The following RORA variants were observed in gnomAD, a reference collection of about 807,000 sequenced individuals.
The protein encoded by RORA is nuclear receptor ROR-alpha.
A neutral mutation model predicts 69.5 loss-of-function variants in RORA; 7 were observed. The observed-to-expected ratio is 0.10, with a 90% CI of 0.06 to 0.19. The LOEUF (loss-of-function observed/expected upper bound fraction) is 0.19, where lower values mean the gene tolerates loss of function less well. Among genes scored for constraint, RORA ranks in the 10% least tolerant of loss-of-function variants. RORA has a pLI of 1.00. For synonymous variants in RORA, 261 were observed against 240.8 expected (o/e 1.08, Z -0.78); for missense variants, 457 against 663.0 (o/e 0.69, Z 3.41).
intron 1 of RORA, among the ~76,000 whole-genome samples, chr15:60,898,605 G>A (rs537937428): frequency 2.6e-5 from 4 of 152,032 alleles, no homozygotes; most frequent in South Asian, 4.2e-4. Context: ...AGGCTGAGGC[G>A]GGAAGATCAC....
chr15:60,654,351 T>G (rs767484242), intron 2 of RORA, among the ~76,000 whole-genome samples: 1 of 152,208 alleles, frequency 6.6e-6, no homozygotes, highest in Non-Finnish European at 1.5e-5. Context: ...CATATTTCAC[T>G]TTACACATTT....
intron 1 of RORA, among the ~76,000 whole-genome samples, chr15:60,688,644 T>G (rs561107953): frequency 1.4e-4 from 21 of 152,222 alleles, no homozygotes; most frequent in Non-Finnish European, 2.6e-4. Context: ...CTTTCAGGAG[T>G]GCCCTATGGT....
At chr15:60,753,049 A>G (rs2071749807) in intron 1 of RORA, among the ~76,000 whole-genome samples, 1 of 152,238 alleles carries the variant, frequency 6.6e-6, no homozygotes, top group African/African-American at 2.4e-5. Flanking sequence ...CCAGAAAAAT[A>G]AAGCAGAGGC....
chr15:61,202,623 T>G (rs1432975328), intron 1 of RORA, among the ~76,000 whole-genome samples: 5 of 152,156 alleles, frequency 3.3e-5, no homozygotes, highest in Non-Finnish European at 7.4e-5. Context: ...CAGCCTCGCT[T>G]GGCCAGAAGC....
At chr15:60,525,717 T>C (rs1236959788) in intron 3 of RORA, among the ~76,000 whole-genome samples, 1 of 152,158 alleles carries the variant, frequency 6.6e-6, no homozygotes, top group Non-Finnish European at 1.5e-5. Context: ...GGGGGACTGC[T>C]GAAGTGGGTG....
chr15:60,865,394 A>G (rs561736470), intron 1 of RORA, among the ~76,000 whole-genome samples: 1 of 152,302 alleles, frequency 6.6e-6, no homozygotes, highest in African/African-American at 2.4e-5. Context: ...GCTTATTAAT[A>G]TTAACTGGGG....
chr15:61,158,542 T>A (rs1388927916), intron 1 of RORA, among the ~76,000 whole-genome samples: 1 of 152,192 alleles, frequency 6.6e-6, no homozygotes, highest in Non-Finnish European at 1.5e-5. Flanking sequence ...TTTGCCTTTA[T>A]TGAATAAACA....
Position 60,565,741 on chromosome 15 carries a change from CCT to C in RORA, c.197-33892_197-33891del, listed in dbSNP as rs769437935. The stretch of plus-strand genomic sequence containing the variant: ...GGTACAAACATATATAGATACCACC[CCT>C]GTTTTTTCTTTAAATTAGCTAATTA... On this transcript the variant is annotated intron_variant, in intron 2 of 10. Transcript: ENST00000335670. 3.3e-5 allele frequency among the ~76,000 whole-genome samples: 5 copies of C among 152,198 alleles called. No individual in the cohort carries two copies. In the East Asian group the frequency reaches 5.8e-4, roughly 18 times the overall value.
intron 1 of RORA, among the ~76,000 whole-genome samples, chr15:60,815,599 C>A (rs78154687): frequency 6.6e-6 from 1 of 151,938 alleles, no homozygotes; most frequent in African/African-American, 2.4e-5. Context: ...CAGCTTCCCC[C>A]ACTGCAGCCA....
chr15:61,194,776 A>T (rs927084466), intron 1 of RORA, among the ~76,000 whole-genome samples: 1 of 152,188 alleles, frequency 6.6e-6, no homozygotes. Flanking sequence ...TCTAAAACAC[A>T]GGTAGAGCCA....
In RORA at chr15:60,546,921, C is replaced by T. The variant is rs141259213; in HGVS notation, c.197-15070G>A. Among the ~76,000 whole-genome samples, 31 of 152,268 alleles carry T rather than the reference C, an allele frequency of 2.0e-4. No homozygotes were observed. In the East Asian group the frequency reaches 5.0e-3, roughly 25 times the overall value. On this transcript the variant is annotated intron_variant, in intron 2 of 10. Transcript: ENST00000335670. The stretch of plus-strand genomic sequence containing the variant: ...TGAGCAGGATTTTCCCTCGTGTTGT[C>T]CCTCCCTTCAGCTTCCCACACTCAC...
chr15:60,692,311 C>A (rs917609772), intron 1 of RORA, among the ~76,000 whole-genome samples: 1 of 152,134 alleles, frequency 6.6e-6, no homozygotes, highest in Non-Finnish European at 1.5e-5. Context: ...ATTACTTAAT[C>A]TGTGAATTTT....
intron 2 of RORA, among the ~76,000 whole-genome samples, chr15:60,532,432 C>CTTGT (rs2066553469): frequency 6.6e-6 from 1 of 152,100 alleles, no homozygotes; most frequent in South Asian, 2.1e-4. Context: ...GAGTTAATAT[C>CTTGT]TTGTTTGAAT....
intron 1 of RORA, among the ~76,000 whole-genome samples, chr15:60,942,471 T>A (rs1892730959): frequency 6.6e-6 from 1 of 152,222 alleles, no homozygotes; most frequent in South Asian, 2.1e-4. Flanking sequence ...TGTTCGGCAA[T>A]TATTTGCCCA....
At chr15:60,632,343 G>A (rs2069757436) in intron 2 of RORA, among the ~76,000 whole-genome samples, 1 of 151,998 alleles carries the variant, frequency 6.6e-6, no homozygotes, top group Non-Finnish European at 1.5e-5. Context: ...TCCTGACCTC[G>A]TGATCTGCCC....
At chr15:60,982,994 G>C (rs915463158) in intron 1 of RORA, among the ~76,000 whole-genome samples, 38 of 152,128 alleles carry the variant, frequency 2.5e-4, no homozygotes, top group African/African-American at 9.2e-4. Flanking sequence ...TACCTTTATA[G>C]ACCTTGAAGA....
chr15:60,638,247 C>CGTAA (rs1318184380), intron 2 of RORA, among the ~76,000 whole-genome samples: 3 of 152,112 alleles, frequency 2.0e-5, no homozygotes, highest in Admixed American at 6.5e-5. Flanking sequence ...GCCTGAATTA[C>CGTAA]GACAGTCCTG....
At chr15:60,746,407 G>A (rs1263877480) in intron 1 of RORA, among the ~76,000 whole-genome samples, 1 of 152,050 alleles carries the variant, frequency 6.6e-6, no homozygotes, top group African/African-American at 2.4e-5. Flanking sequence ...TATAGTCACC[G>A]CTTACAACTA....
intron 1 of RORA, among the ~76,000 whole-genome samples, chr15:60,812,864 A>G (rs2072762561): frequency 6.6e-6 from 1 of 152,208 alleles, no homozygotes; most frequent in Non-Finnish European, 1.5e-5. Flanking sequence ...ATAGGTGAAC[A>G]TCATCCAGAA....
Sources: allele counts gnomAD v4.1 joint callset (sites outside exome capture counted in the v4.1 genomes callset), GRCh38; gene constraint gnomAD v4.1.1; transcripts MANE v1.5; gene names NCBI Gene and HGNC (gene_info 2026-07-23, HGNC 2026-07-21).